Variants in RRP8 observed in about 807,000 individuals in gnomAD.
The protein encoded by RRP8 is ribosomal RNA processing 8, also known as ribosomal RNA-processing protein 8.
A neutral mutation model predicts 45.0 loss-of-function variants in RRP8; 48 were observed. That is an observed-to-expected ratio of 1.07 (90% confidence interval 0.85 to 1.36). The LOEUF (loss-of-function observed/expected upper bound fraction) is 1.36, where lower values mean the gene tolerates loss of function less well. Among genes scored for constraint, RRP8 ranks in the 40% most tolerant of loss-of-function variants. The pLI is 0.00. For synonymous variants in RRP8, 274 were observed against 212.4 expected (o/e 1.29, Z -2.52); for missense variants, 658 against 573.7 (o/e 1.15, Z -1.50).
At position 6,601,220 on chromosome 11, in the gene RRP8, G is replaced by A. The variant is rs772386950; in HGVS notation, c.846C>T (p.Arg282=). Residue 282 remains arginine, a synonymous_variant, in exon 3 of 7, where the codon CGC becomes CGT. Coordinates refer to ENST00000254605, the MANE Select transcript of RRP8 (RefSeq NM_015324.4). ...EDPEAFLLYH[R]GFQSQVKKWP... ...ACTTCTTCACTTGGCTCTGGAAGCCGCGGTGGTAGAGAAGAAAAGCCTCAG... is the reference window on the plus strand; with the variant it reads ...ACTTCTTCACTTGGCTCTGGAAGCCACGGTGGTAGAGAAGAAAAGCCTCAG... The A allele has an allele frequency of 9.3e-6, 15 of 1,612,268 alleles. No individual in the cohort carries two copies. Among genetic ancestry groups the A allele is most frequent in the African/African-American group, 4.0e-5 (3 of 75,030 alleles).
intron 2 of RRP8, 47 bp from the exon 3 acceptor site, chr11:6,601,649 C>T (rs750858705): frequency 1.3e-6 from 2 of 1,541,390 alleles, no homozygotes; most frequent in Admixed American, 1.9e-5. Context: ...AGATCTCTTA[C>T]ATTCGGAGTC....
At chr11:6,603,369 T>C (rs768157501) in intron 1 of RRP8, 35 bp downstream of exon 1, 9 of 1,494,150 alleles carry the variant, frequency 6.0e-6, no homozygotes, top group Non-Finnish European at 7.3e-6. Flanking sequence ...CTTCGCGGCC[T>C]GAAACAGCTC....
rs1180955230 is a variant in RRP8 at position 6,597,383 on chromosome 11, A to C, written c.*2763T>G. ...AACTGGCTTCCTGCTCCCCTGAAAA[A>C]AAATCAAAGCAATCAGAAATGAACT... is the stretch of plus-strand genomic sequence containing the variant. On this transcript the variant is annotated 3_prime_UTR_variant, in exon 7 of 7. Transcript: ENST00000254605. 6.6e-6 allele frequency: 1 copy of C among 152,164 alleles called. No individual in the cohort carries two copies. The highest frequency in any genetic ancestry group is 1.5e-5 in the Non-Finnish European group (1 of 68,060). The allele number at this position is 152,164 out of a possible 1,614,324, so 9.4% of individuals were successfully genotyped here.
At position 6,601,714 on chromosome 11, in the gene RRP8, A is replaced by G. The variant is rs904527259; in HGVS notation, c.464-112T>C. 2.2e-5 allele frequency: 33 copies of G among 1,480,822 alleles called. 1 individual carries two copies. Among genetic ancestry groups the G allele is most frequent in the East Asian group, 6.8e-5 (3 of 44,002 alleles). 91.7% of individuals were successfully genotyped at this position (1,480,822 alleles called of 1,614,324 possible). ...CTTTGAGATCGTGACTGTGGCCTGC[A>G]GAGAAGTACTTCTTATTGCCTGAGT... On this transcript the variant is annotated intron_variant, in intron 2 of 6. Transcript: ENST00000254605.
intron 1 of RRP8, 155 bp from the exon 2 acceptor site, chr11:6,602,370 AC>A (rs1227516515): frequency 2.5e-6 from 2 of 809,092 alleles, no homozygotes; most frequent in Admixed American, 3.4e-5. Context: ...TTATGTCACC[AC>A]CCCAACTTCT....
chr11:6,600,451 G>C, intron 6 of RRP8, 35 bp downstream of exon 6: 2 of 1,592,888 alleles, frequency 1.3e-6, no homozygotes, highest in Non-Finnish European at 1.7e-6. Context: ...GGCCACATGA[G>C]ACAAAAACAG....
chr11:6,600,896 G>C (rs1456431500), intron 4 of RRP8, 30 bp downstream of exon 4: 9 of 1,613,840 alleles, frequency 5.6e-6, no homozygotes, highest in Non-Finnish European at 7.6e-6. Context: ...GTTGGCCCTA[G>C]AGCACAAGCC....
chr11:6,596,247 T>C lies in RRP8; in HGVS notation c.*3899A>G, dbSNP rs1204803673. ...TTCAGGAAGATGAAAATGAGCTCAC[T>C]GGGGAAAGAGTATTCAAGGAAGATG... On this transcript the variant is annotated 3_prime_UTR_variant, in exon 7 of 7. Transcript: ENST00000254605. 1.3e-5 allele frequency: 2 copies of C among 152,184 alleles called. No homozygotes were observed. The highest frequency in any genetic ancestry group is 2.9e-5 in the Non-Finnish European group (2 of 68,026). 9.4% of individuals were successfully genotyped at this position (152,184 alleles called of 1,614,324 possible).
Position 6,601,174 on chromosome 11 carries a change from G to T in RRP8, c.892C>A (p.Arg298Ser). Residue 298 changes from arginine (R) to serine (S), a missense_variant, in exon 3 of 7, where the codon CGC (arginine) becomes AGC (serine). By Grantham distance (110) the Arg-to-Ser change is moderately radical. Transcript: ENST00000254605. Reference protein sequence around the residue: ...VKKWPLQPVDRIARDLRQRPA... With the variant: ...VKKWPLQPVDSIARDLRQRPA... ...CGCTGGCGAAGATCCCTGGCGATGC[G>T]GTCCACTGGCTGCAGTGGCCACTTC... is the stretch of plus-strand genomic sequence containing the variant. 6.2e-7 allele frequency: 1 copy of T among 1,613,924 alleles called. No homozygotes were observed. Among genetic ancestry groups the T allele is most frequent in the South Asian group, 1.1e-5 (1 of 91,068 alleles).
Position 6,602,064 on chromosome 11 carries a change from G to T in RRP8, c.251C>A (p.Ala84Asp). Residue 84 changes from alanine to aspartate, a missense_variant, in exon 2 of 7, where the codon GCC (alanine) becomes GAC (aspartate). Coordinates refer to ENST00000254605, the MANE Select transcript of RRP8 (RefSeq NM_015324.4). ...CCCTTTCTTCCCTACTTCAGCAGAGGCACTGGCAAATGATGCCTTTTTGGG... is the reference window on the plus strand; with the variant it reads ...CCCTTTCTTCCCTACTTCAGCAGAGTCACTGGCAAATGATGCCTTTTTGGG... ...KCPKKASFASASAEVGKKGKK... is the reference protein window; with the variant it reads ...KCPKKASFASDSAEVGKKGKK... 2 of 1,613,806 alleles carry T rather than the reference G, an allele frequency of 1.2e-6. No individual in the cohort carries two copies. Among genetic ancestry groups the T allele is most frequent in the Non-Finnish European group, 1.7e-6 (2 of 1,179,818 alleles).
Position 6,601,273 on chromosome 11 carries a change from C to T in RRP8, c.793G>A (p.Ala265Thr), listed in dbSNP as rs746042286. 6.2e-7 allele frequency: 1 copy of T among 1,612,416 alleles called. No homozygotes were observed. Among genetic ancestry groups the T allele is most frequent in the South Asian group, 1.1e-5 (1 of 90,800 alleles). The change falls in exon 3 of 7, where the codon GCT becomes ACT. Residue 265 changes from alanine (A) to threonine (T), a missense_variant. Ala to Thr is a moderately conservative substitution (Grantham distance 58). Transcript: ENST00000254605. Reference sequence around the variant, plus strand: ...TCTTCCTGGAAGAGACGCTGTGCAGCACTGCTGGGCCCTGAGTACAACTGT... The same window carrying T: ...TCTTCCTGGAAGAGACGCTGTGCAGTACTGCTGGGCCCTGAGTACAACTGT... ...NEQLYSGPSS[A>T]AQRLFQEDPE... is the part of the protein sequence containing the mutation.
Position 6,601,942 on chromosome 11 carries a change from C to T in RRP8, c.373G>A (p.Asp125Asn). 1 of 1,614,224 alleles carries T rather than the reference C, an allele frequency of 6.2e-7. No individual in the cohort carries two copies. Among genetic ancestry groups the T allele is most frequent in the South Asian group, 1.1e-5 (1 of 91,086 alleles). ...TTTCTTTTCTCATCTTCAGCAGAGT[C>T]ACTGCCAACAAGAGCCTGTTTGTGG... ...KCHKQALVGS[D>N]SAEDEKRKRK... is the part of the protein sequence containing the mutation. Residue 125 changes from aspartate (D) to asparagine (N), a missense_variant, in exon 2 of 7, where the codon GAC becomes AAC. Physicochemically the swap from Asp to Asn is conservative, Grantham distance 23. Transcript: ENST00000254605.
At position 6,603,516 on chromosome 11, in the gene RRP8, G is replaced by C; in HGVS notation, c.-14C>G. On this transcript the variant is annotated 5_prime_UTR_variant, in exon 1 of 7. Coordinates refer to ENST00000254605, the MANE Select transcript of RRP8 (RefSeq NM_015324.4). Reference sequence around the variant, plus strand: ...CTCTTCGAACATGAGGGTCGGGAGGGCAGGGTCGCCGAGTCCCCGCTCTTC... The same window carrying C: ...CTCTTCGAACATGAGGGTCGGGAGGCCAGGGTCGCCGAGTCCCCGCTCTTC... The C allele has an allele frequency of 6.5e-7, 1 of 1,537,222 alleles. No individual in the cohort carries two copies. The highest frequency in any genetic ancestry group is 2.4e-5 in the East Asian group (1 of 42,272).
chr11:6,602,549 T>C (rs532918035), intron 1 of RRP8, among the ~76,000 whole-genome samples: 44 of 152,274 alleles, frequency 2.9e-4, no homozygotes, highest in African/African-American at 9.9e-4. Context: ...GCTGATACAT[T>C]TCTGTAAGAG....
In RRP8 at chr11:6,600,587, G is replaced by A. The variant is rs749759802; in HGVS notation, c.1155-5C>T. On this transcript the variant is annotated splice_region_variant and splice_polypyrimidine_tract_variant and intron_variant, in intron 5 of 6. Transcript: ENST00000254605. ...TCAGCCACTTTCAGGAGACCCCTGAGAAAGACAGAAAGTTCTGTGTAAGTG... is the reference window on the plus strand; with the variant it reads ...TCAGCCACTTTCAGGAGACCCCTGAAAAAGACAGAAAGTTCTGTGTAAGTG... 9.9e-6 allele frequency: 16 copies of A among 1,613,826 alleles called. No homozygotes were observed. Among genetic ancestry groups the A allele is most frequent in the Admixed American group, 3.3e-5 (2 of 60,006 alleles).
chr11:6,601,916 C>T lies in RRP8; in HGVS notation c.399G>A (p.Lys133=), dbSNP rs750440886. ...GSDSAEDEKR[K]RKCQKHAPIN... is the part of the protein sequence containing the mutation. ...TAGGGGCATGTTTCTGGCATTTCCT[C>T]TTTCTTTTCTCATCTTCAGCAGAGT... is the stretch of plus-strand genomic sequence containing the variant. Residue 133 remains lysine, a synonymous_variant, in exon 2 of 7, where the codon AAG becomes AAA. Coordinates refer to ENST00000254605, the MANE Select transcript of RRP8 (RefSeq NM_015324.4). 1.2e-6 allele frequency: 2 copies of T among 1,614,174 alleles called. No individual in the cohort carries two copies. Among genetic ancestry groups the T allele is most frequent in the East Asian group, 2.2e-5 (1 of 44,880 alleles).
rs1165430018 is a variant in RRP8, at chr11:6,602,826, T to C, written c.99+578A>G. 3.3e-5 allele frequency among the ~76,000 whole-genome samples: 5 copies of C among 152,136 alleles called. No homozygotes were observed. The South Asian group carries it at 1.0e-3, about 31-fold the overall frequency. ...GCAGAGGCTCAAAGGAGAAGATGTA[T>C]TGTCGGGAAGGCTGATTCTGTGTTG... On this transcript the variant is annotated intron_variant, in intron 1 of 6. Coordinates refer to ENST00000254605, the MANE Select transcript of RRP8 (RefSeq NM_015324.4).
chr11:6,595,608 TTAAAAAAAAAAGAGTATCTCAACTTCCTA>T lies in RRP8; in HGVS notation c.*4509_*4537del, dbSNP rs1455677849. ...TCCGGTCACAGTCACAATGACGGATTTAAAAAAAAAAGAGTATCTCAACTTCCTATTGGGAGTACATGTTTTCCCCTGAT... is the reference window on the plus strand; with the variant it reads ...TCCGGTCACAGTCACAATGACGGATTTTGGGAGTACATGTTTTCCCCTGAT... On this transcript the variant is annotated 3_prime_UTR_variant, in exon 7 of 7. Coordinates refer to ENST00000254605, the MANE Select transcript of RRP8 (RefSeq NM_015324.4). The T allele has an allele frequency of 6.6e-6, 1 of 151,996 alleles. No homozygotes were observed. The highest frequency in any genetic ancestry group is 1.5e-5 in the Non-Finnish European group (1 of 67,978). The allele number at this position is 151,996 out of a possible 1,614,324, so 9.4% of individuals were successfully genotyped here. A position where few individuals can be genotyped will look rare whatever the true frequency, so the allele number is the denominator to read the frequency against.
Position 6,600,209 on chromosome 11 carries a change from C to G in RRP8, c.1308G>C (p.Leu436=). Residue 436 remains leucine (L), a synonymous_variant, in exon 7 of 7, where the codon CTG becomes CTC. Transcript: ENST00000254605. ...LFDFQKTGPP[L]VGPKAQLSGL... ...CTGAAAGCTGAGCCTTGGGCCCTACCAGAGGGGGCCCAGTCTTTTGGAAAT... is the reference window on the plus strand; with the variant it reads ...CTGAAAGCTGAGCCTTGGGCCCTACGAGAGGGGGCCCAGTCTTTTGGAAAT... 3 of 1,607,558 alleles carry G rather than the reference C, an allele frequency of 1.9e-6. No homozygotes were observed. Among genetic ancestry groups the G allele is most frequent in the Non-Finnish European group, 1.7e-6 (2 of 1,177,754 alleles).
Sources: allele counts gnomAD v4.1 joint callset (sites outside exome capture counted in the v4.1 genomes callset), GRCh38; gene constraint gnomAD v4.1.1; transcripts MANE v1.5; gene names NCBI Gene and HGNC (gene_info 2026-07-23, HGNC 2026-07-21).